MON2: variants seen among roughly 807,000 people sequenced by gnomAD.
MON2 encodes the protein protein MON2 homolog.
In MON2, 84 loss-of-function variants were observed where a neutral mutation model predicts 208.6. The observed-to-expected ratio is 0.40, with a 90% CI of 0.34 to 0.48. The LOEUF (loss-of-function observed/expected upper bound fraction) is 0.48, where lower values mean the gene tolerates loss of function less well. MON2 is among the 20% of genes least tolerant of loss of function. The pLI is 0.59. For missense variants in MON2, 1,611 were observed against 2,015.4 expected (o/e 0.80, Z 3.84); for synonymous variants, 660 against 694.0 (o/e 0.95, Z 0.77).
chr12:62,544,649 T>G (rs1592353739), intron 20 of MON2: 2 of 791,226 alleles, frequency 2.5e-6, no homozygotes, highest in Non-Finnish European at 3.7e-6. Context: ...TTAGCTTGCT[T>G]CTTTTGTTTA....
At chr12:62,577,805 A>AAAGAGTATCTTGCTGTTTTTT (rs2074846818) in intron 30 of MON2, among the ~76,000 whole-genome samples, 1 of 152,110 alleles carries the variant, frequency 6.6e-6, no homozygotes, top group Admixed American at 6.5e-5. Flanking sequence ...AACTGTTTTT[A>AAAGAGTATCTTGCTGTTTTTT]AATAGTATCT....
intron 12 of MON2, among the ~76,000 whole-genome samples, 173 bp downstream of exon 12, chr12:62,532,843 A>G (rs922071447): frequency 6.6e-6 from 1 of 152,138 alleles, no homozygotes; most frequent in Non-Finnish European, 1.5e-5. Context: ...TTTCTGACCT[A>G]TTTATAGAAA....
intron 3 of MON2, 98 bp downstream of exon 3, chr12:62,494,140 T>A: frequency 8.7e-7 from 1 of 1,148,346 alleles, no homozygotes; most frequent in Non-Finnish European, 1.2e-6. Flanking sequence ...ATAAAACTTT[T>A]ACAAATAGCA....
intron 19 of MON2, among the ~76,000 whole-genome samples, chr12:62,539,010 A>G (rs2073111014): frequency 6.6e-6 from 1 of 152,106 alleles, no homozygotes; most frequent in Non-Finnish European, 1.5e-5. Context: ...ACTTTTGAAT[A>G]TTAACATTCA....
intron 8 of MON2, among the ~76,000 whole-genome samples, chr12:62,509,686 T>C (rs1455861573): frequency 6.6e-6 from 1 of 152,178 alleles, no homozygotes; most frequent in Non-Finnish European, 1.5e-5. Flanking sequence ...ATTGTAATCA[T>C]ACCAGGTATC....
intron 32 of MON2, among the ~76,000 whole-genome samples, chr12:62,581,248 T>G (rs1465178890): frequency 6.6e-6 from 1 of 152,222 alleles, no homozygotes; most frequent in African/African-American, 2.4e-5. Context: ...AGTCTTAAAC[T>G]GTGGCATCAG....
At chr12:62,489,973 CTT>C (rs932370530) in intron 2 of MON2, 9 of 1,028,222 alleles carry the variant, frequency 8.8e-6, no homozygotes, top group African/African-American at 3.4e-5. Flanking sequence ...CACAATAAAA[CTT>C]TTATTACACC....
rs377747348 is a variant in MON2 at position 62,516,382 on chromosome 12, GATTAGTC to G, written c.984+7904_984+7910del. On this transcript the variant is annotated intron_variant, in intron 8 of 34. Coordinates refer to ENST00000393630, the MANE Select transcript of MON2 (RefSeq NM_015026.3). Reference sequence around the variant, plus strand: ...CTAGTATTTGATAGCACAACAGGGTGATTAGTCAACAATAATGTACATTCAAAAATAA... The same window carrying G: ...CTAGTATTTGATAGCACAACAGGGTGAACAATAATGTACATTCAAAAATAA... 2.6e-3 allele frequency among the ~76,000 whole-genome samples: 394 copies of G among 152,198 alleles called. 2 individuals are homozygous for G. The highest frequency in any genetic ancestry group is 8.9e-3 in the African/African-American group (370 of 41,542).
In MON2 at chr12:62,501,642, T is replaced by A. The variant is rs202041870; in HGVS notation, c.733T>A (p.Phe245Ile). The A allele has an allele frequency of 2.5e-6, 4 of 1,614,202 alleles. No homozygotes were observed. The highest frequency in any genetic ancestry group is 3.4e-6 in the Non-Finnish European group (4 of 1,180,012). The change falls in exon 7 of 35, where the codon TTT (phenylalanine) becomes ATT (isoleucine). Residue 245 changes from phenylalanine to isoleucine, a missense_variant. Transcript: ENST00000393630. ...LVGMTEMTRT[F>I]GLELLESVLN... ...GGGCATGACAGAAATGACTCGGACG[T>A]TTGGCCTCGAATTACTTGAGTCAGT...
chr12:62,515,775 A>G, intron 8 of MON2, among the ~76,000 whole-genome samples: 1 of 152,020 alleles, frequency 6.6e-6, no homozygotes, highest in East Asian at 1.9e-4. Flanking sequence ...AGATCACACA[A>G]TTGCACTCCA....
Position 62,538,135 on chromosome 12 carries a change from G to A in MON2, c.2158G>A (p.Gly720Ser), listed in dbSNP as rs1368448946. 4 of 1,613,570 alleles carry A rather than the reference G, an allele frequency of 2.5e-6. No homozygotes were observed. The highest frequency in any genetic ancestry group is 1.7e-5 in the Admixed American group (1 of 59,962). The change falls in exon 17 of 35, where the codon GGT becomes AGT. Residue 720 changes from glycine to serine, a missense_variant. By Grantham distance (56) the Gly-to-Ser change is moderately conservative (BLOSUM62 0). Coordinates refer to ENST00000393630, the MANE Select transcript of MON2 (RefSeq NM_015026.3). ...TCTGGGATTAAAGCCTAGTAGTGGC[G>A]GTGCCTTGAAACCTGGGAGAGCTGT... ...WILGLKPSSG[G>S]ALKPGRAVEG...
chr12:62,560,348 T>C (rs1322512163), intron 25 of MON2, 143 bp from the exon 26 acceptor site: 7 of 768,814 alleles, frequency 9.1e-6, no homozygotes, highest in African/African-American at 3.5e-5. Context: ...CCATTGTTAG[T>C]ACCTTAGTAC....
At chr12:62,522,364 G>T (rs4763023) in intron 8 of MON2, among the ~76,000 whole-genome samples, 98,954 of 151,982 alleles carry the variant, frequency 0.65, 32,207 homozygotes, top group Middle Eastern at 0.71. Flanking sequence ...TTGTTAACTC[G>T]GACAAGCTCC....
chr12:62,579,091 T>G (rs890871729), intron 31 of MON2, among the ~76,000 whole-genome samples: 3 of 151,500 alleles, frequency 2.0e-5, no homozygotes, highest in Non-Finnish European at 4.4e-5. Context: ...AAAAGTTTTT[T>G]AAGTTAATTG....
intron 26 of MON2, among the ~76,000 whole-genome samples, chr12:62,562,892 G>T (rs1014652713): frequency 2.0e-5 from 3 of 152,094 alleles, no homozygotes; most frequent in Non-Finnish European, 4.4e-5. Flanking sequence ...CAGCCAAGTT[G>T]ACTTAGTTAT....
At chr12:62,587,994 T>G in intron 33 of MON2, 80 bp from the exon 34 acceptor site, 1 of 835,146 alleles carries the variant, frequency 1.2e-6, no homozygotes, top group Non-Finnish European at 2.0e-6. Flanking sequence ...TTCATCTATT[T>G]GTACAAACTT....
chr12:62,540,869 GTTA>G (rs755851658), intron 19 of MON2, among the ~76,000 whole-genome samples: 4 of 152,114 alleles, frequency 2.6e-5, no homozygotes, highest in South Asian at 2.1e-4. Context: ...ATCTATAAAA[GTTA>G]TTATAAATAT....
At chr12:62,551,772 A>T (rs1437067290) in intron 23 of MON2, among the ~76,000 whole-genome samples, 2 of 152,248 alleles carry the variant, frequency 1.3e-5, no homozygotes, top group Non-Finnish European at 2.9e-5. Flanking sequence ...ACATGCACAG[A>T]ATTGTTTTCA....
At chr12:62,468,287 C>T (rs984843083) in intron 1 of MON2, among the ~76,000 whole-genome samples, 2 of 152,062 alleles carry the variant, frequency 1.3e-5, no homozygotes, top group African/African-American at 4.8e-5. Context: ...CCCCCTGCCT[C>T]GGCCTCCCAA....
Sources: allele counts gnomAD v4.1 joint callset (sites outside exome capture counted in the v4.1 genomes callset), GRCh38; gene constraint gnomAD v4.1.1; transcripts MANE v1.5; gene names NCBI Gene and HGNC (gene_info 2026-07-23, HGNC 2026-07-21).